The following INPP4B variants were observed in gnomAD, a reference collection of about 807,000 sequenced individuals.
The protein encoded by INPP4B is inositol polyphosphate-4-phosphatase type II B.
A neutral mutation model predicts 122.5 loss-of-function variants in INPP4B; 55 were observed. The ratio of observed to expected loss-of-function variants is 0.45; its 90% CI spans 0.36 to 0.56. The LOEUF is 0.56. INPP4B is among the 20% of genes least tolerant of loss of function. INPP4B has a pLI of 0.00. For synonymous variants in INPP4B, 403 were observed against 388.7 expected, an observed-to-expected ratio of 1.04 and a Z score of -0.43; for missense variants, 1,000 against 1,097.7, an observed-to-expected ratio of 0.91 and a Z score of 1.26.
At chr4:142,344,407 T>C (rs1779658730) in intron 7 of INPP4B, among the ~76,000 whole-genome samples, 2 of 152,084 alleles carry the variant, frequency 1.3e-5, no homozygotes, top group Non-Finnish European at 1.5e-5. Flanking sequence ...AGCATTATAA[T>C]GGAAAATGTA....
intron 10 of INPP4B, among the ~76,000 whole-genome samples, chr4:142,263,638 A>AT (rs1298135285): frequency 1.3e-4 from 14 of 103,798 alleles, no homozygotes; most frequent in Non-Finnish European, 2.5e-4. Flanking sequence ...TAAATTCGTA[A>AT]AATATATATA....
intron 7 of INPP4B, among the ~76,000 whole-genome samples, chr4:142,365,677 G>A (rs1465876322): frequency 6.6e-6 from 1 of 152,084 alleles, no homozygotes; most frequent in Non-Finnish European, 1.5e-5. Flanking sequence ...CATGTGCCTT[G>A]CAAAAGCAGC....
intron 18 of INPP4B, among the ~76,000 whole-genome samples, chr4:142,128,342 TACACACAC>T (rs3836673): frequency 0.55 from 80,739 of 147,316 alleles, 23,514 homozygotes; most frequent in Non-Finnish European, 0.65. Context: ...CGTACTTTTA[TACACACAC>T]ACACACACAC....
intron 25 of INPP4B, among the ~76,000 whole-genome samples, chr4:142,049,041 C>T (rs1325967912): frequency 6.6e-6 from 1 of 151,886 alleles, no homozygotes; most frequent in Admixed American, 6.6e-5. Context: ...TCACCATGGG[C>T]AGTGACAGAA....
chr4:142,535,520 C>A lies in INPP4B; in HGVS notation c.-190-72794G>T, dbSNP rs142127609. Among the ~76,000 whole-genome samples the A allele has an allele frequency of 6.3e-3, 957 of 152,154 alleles. 24 individuals carry two copies. The highest frequency in any genetic ancestry group is 0.032 in the Admixed American group (482 of 15,256). On this transcript the variant is annotated intron_variant, in intron 2 of 25. Coordinates refer to ENST00000262992, the MANE Select transcript of INPP4B (RefSeq NM_001101669.3). ...GTTTGCTTGGCCACGGTTGCTATTC[C>A]TGATTTATCAAAAATAAATGCAAGA...
At chr4:142,377,626 T>C (rs1372587357) in intron 7 of INPP4B, among the ~76,000 whole-genome samples, 1 of 152,052 alleles carries the variant, frequency 6.6e-6, no homozygotes, top group Non-Finnish European at 1.5e-5. Flanking sequence ...GAAATGAGAA[T>C]CAGGTATCAA....
At chr4:142,067,236 C>T (rs1764021897) in intron 25 of INPP4B, among the ~76,000 whole-genome samples, 1 of 152,206 alleles carries the variant, frequency 6.6e-6, no homozygotes, top group South Asian at 2.1e-4. Context: ...CTCCAGCAAA[C>T]TCCAACAGAC....
intron 2 of INPP4B, among the ~76,000 whole-genome samples, chr4:142,530,057 T>G (rs1192181800): frequency 6.6e-6 from 1 of 152,230 alleles, no homozygotes; most frequent in East Asian, 1.9e-4. Flanking sequence ...AAATGTTTAG[T>G]GAATAATACT....
intron 2 of INPP4B, among the ~76,000 whole-genome samples, chr4:142,490,034 G>T (rs895321027): frequency 6.6e-6 from 1 of 151,800 alleles, no homozygotes; most frequent in Non-Finnish European, 1.5e-5. Context: ...TTTTGGAGGG[G>T]GGAAAGGAGG....
rs1337531412 is a variant in INPP4B, at chr4:142,026,138, G to A, written c.*2644C>T. ...ATGACCTCCTAAAATAGGTCTGCTG[G>A]TGTATCTTTTAAGTGAAAATATAGA... On this transcript the variant is annotated 3_prime_UTR_variant, in exon 26 of 26. Coordinates refer to ENST00000262992, the MANE Select transcript of INPP4B (RefSeq NM_001101669.3). 6.6e-6 allele frequency: 1 copy of A among 152,090 alleles called. No individual in the cohort carries two copies. Among genetic ancestry groups the A allele is most frequent in the East Asian group, 1.9e-4 (1 of 5,188 alleles). The allele number at this position is 152,090 out of a possible 1,614,324, so 9.4% of individuals were successfully genotyped here.
intron 2 of INPP4B, among the ~76,000 whole-genome samples, chr4:142,566,440 G>T (rs148029676): frequency 6.6e-6 from 1 of 152,206 alleles, no homozygotes; most frequent in Admixed American, 6.5e-5. Flanking sequence ...GGGCACCTGG[G>T]TGTCTATGCA....
chr4:142,465,591 A>G (rs537745527), intron 2 of INPP4B, among the ~76,000 whole-genome samples: 1 of 152,308 alleles, frequency 6.6e-6, no homozygotes, highest in East Asian at 1.9e-4. Flanking sequence ...TTTATTCTAT[A>G]TAGGTCAGTG....
intron 25 of INPP4B, among the ~76,000 whole-genome samples, chr4:142,068,908 C>G (rs530894881): frequency 6.6e-6 from 1 of 152,100 alleles, no homozygotes; most frequent in Non-Finnish European, 1.5e-5. Flanking sequence ...CCACTGTCAA[C>G]ATTAGACAGA....
chr4:142,739,436 G>A (rs1767572329), intron 1 of INPP4B, among the ~76,000 whole-genome samples: 1 of 152,032 alleles, frequency 6.6e-6, no homozygotes, highest in Non-Finnish European at 1.5e-5. Context: ...ATGGGCATTA[G>A]ATGGTAATGA....
At chr4:142,234,321 C>A (rs940885039) in intron 12 of INPP4B, among the ~76,000 whole-genome samples, 1 of 152,066 alleles carries the variant, frequency 6.6e-6, no homozygotes, top group South Asian at 2.1e-4. Context: ...AGTGTTAAAT[C>A]TTTTTCTGCT....
chr4:142,231,606 G>A (rs1263082220), intron 12 of INPP4B, among the ~76,000 whole-genome samples: 1 of 152,032 alleles, frequency 6.6e-6, no homozygotes, highest in East Asian at 1.9e-4. Flanking sequence ...TCCTTCACAA[G>A]TAAATCCACA....
chr4:142,793,001 T>A (rs1776761713), intron 1 of INPP4B, among the ~76,000 whole-genome samples: 1 of 151,914 alleles, frequency 6.6e-6, no homozygotes, highest in Admixed American at 6.6e-5. Flanking sequence ...AGACCCAACA[T>A]CCATTCCATC....
intron 2 of INPP4B, among the ~76,000 whole-genome samples, chr4:142,593,526 T>C (rs1238025326): frequency 6.6e-6 from 1 of 152,134 alleles, no homozygotes; most frequent in Non-Finnish European, 1.5e-5. Context: ...GATATAAATT[T>C]CAATCCTGTA....
In INPP4B at chr4:142,711,909, A is replaced by G. The variant is rs551584815; in HGVS notation, c.-191+13930T>C. 1.1e-4 allele frequency among the ~76,000 whole-genome samples: 16 copies of G among 152,262 alleles called. No individual in the cohort carries two copies. The South Asian group carries it at 2.3e-3, about 22-fold the overall frequency. On this transcript the variant is annotated intron_variant, in intron 2 of 25. Coordinates refer to ENST00000262992, the MANE Select transcript of INPP4B (RefSeq NM_001101669.3). ...CTAAAAAGTCAAAAATTAGCCCACC[A>G]TGGTGGTACATGACTGTAGTTCCAG... is the stretch of plus-strand genomic sequence containing the variant.
Sources: allele counts gnomAD v4.1 joint callset (sites outside exome capture counted in the v4.1 genomes callset), GRCh38; gene constraint gnomAD v4.1.1; transcripts MANE v1.5; gene names NCBI Gene and HGNC (gene_info 2026-07-23, HGNC 2026-07-21).